The following HS3ST4 variants were observed in gnomAD, a reference collection of about 807,000 sequenced individuals.
The protein encoded by HS3ST4 is heparan sulfate-glucosamine 3-sulfotransferase 4, also known as heparan sulfate glucosamine 3-O-sulfotransferase 4.
HS3ST4 carries 17 observed loss-of-function variants against 29.2 expected under a neutral mutation model. That is an observed-to-expected ratio of 0.58 (90% CI 0.40 to 0.87). HS3ST4 has a LOEUF of 0.87. HS3ST4 is among the 40% of genes least tolerant of loss of function. The pLI, the probability that HS3ST4 is intolerant of heterozygous loss-of-function variation, is 0.00. For missense variants in HS3ST4, 627 were observed against 634.5 expected, an observed-to-expected ratio of 0.99 and a Z score of 0.13; for synonymous variants, 314 against 285.7, an observed-to-expected ratio of 1.10 and a Z score of -1.00.
At chr16:26,069,948 G>A (rs1377998599) in intron 1 of HS3ST4, among the ~76,000 whole-genome samples, 1 of 151,958 alleles carries the variant, frequency 6.6e-6, no homozygotes, top group Non-Finnish European at 1.5e-5. Context: ...TCTTAATCCA[G>A]GCTATCATTG....
chr16:25,773,553 G>C lies in HS3ST4; in HGVS notation c.734+80402G>C, dbSNP rs192759483. On this transcript the variant is annotated intron_variant, in intron 1 of 1. Transcript: ENST00000331351. ...ACTTAATAAATGTTTGATGAGTGTT[G>C]CTGAATTTGAAAATAGGAAGTTATT... Among the ~76,000 whole-genome samples the C allele has an allele frequency of 3.3e-3, 497 of 152,282 alleles. 5 individuals carry two copies. The highest frequency in any genetic ancestry group is 7.5e-3 in the South Asian group (36 of 4,818).
At chr16:25,947,090 G>C (rs1968633948) in intron 1 of HS3ST4, among the ~76,000 whole-genome samples, 1 of 152,152 alleles carries the variant, frequency 6.6e-6, no homozygotes, top group African/African-American at 2.4e-5. Context: ...GTGATGGGGA[G>C]TGGAGCTAGT....
At chr16:26,011,092 G>A (rs1168229137) in intron 1 of HS3ST4, among the ~76,000 whole-genome samples, 1 of 152,120 alleles carries the variant, frequency 6.6e-6, no homozygotes, top group Non-Finnish European at 1.5e-5. Context: ...AGCAGCACGT[G>A]CACTTACATA....
intron 1 of HS3ST4, among the ~76,000 whole-genome samples, chr16:25,860,102 T>C (rs1253686554): frequency 6.6e-6 from 1 of 152,188 alleles, no homozygotes; most frequent in Non-Finnish European, 1.5e-5. Context: ...ACCATCCTCC[T>C]ACCCCATTCC....
At position 25,692,999 on chromosome 16, in the gene HS3ST4, G is replaced by A; in HGVS notation, c.582G>A (p.Glu194=). ...GGAVSTPDYG[E]KKLPQALIIG... is the part of the protein sequence containing the mutation. ...CCGTCAGCACCCCCGACTATGGGGA[G>A]AAGAAGCTGCCACAGGCGCTCATCA... Residue 194 remains glutamate (E), a synonymous_variant, in exon 1 of 2, where the codon GAG becomes GAA. Transcript: ENST00000331351. 6.2e-7 allele frequency: 1 copy of A among 1,611,450 alleles called. No individual in the cohort carries two copies. Among genetic ancestry groups the A allele is most frequent in the African/African-American group, 1.3e-5 (1 of 75,036 alleles).
At chr16:26,131,021 C>T (rs2141815980) in intron 1 of HS3ST4, among the ~76,000 whole-genome samples, 1 of 152,330 alleles carries the variant, frequency 6.6e-6, no homozygotes, top group East Asian at 1.9e-4. Context: ...ACCATGTAGC[C>T]ACTGGCACAG....
intron 1 of HS3ST4, among the ~76,000 whole-genome samples, chr16:25,988,946 A>G (rs1050133172): frequency 1.3e-5 from 2 of 152,254 alleles, no homozygotes; most frequent in Admixed American, 6.5e-5. Flanking sequence ...AAAACCTCAG[A>G]CAAGTTAAAT....
chr16:25,958,337 T>C (rs1596626481), intron 1 of HS3ST4, among the ~76,000 whole-genome samples: 1 of 152,178 alleles, frequency 6.6e-6, no homozygotes, highest in African/African-American at 2.4e-5. Flanking sequence ...AAGACTTTTT[T>C]CTTTTTTTCC....
chr16:25,853,239 G>A (rs1222165032), intron 1 of HS3ST4, among the ~76,000 whole-genome samples: 2 of 151,580 alleles, frequency 1.3e-5, no homozygotes, highest in African/African-American at 4.9e-5. Flanking sequence ...TTCATATCCC[G>A]CAACTTTACT....
intron 1 of HS3ST4, among the ~76,000 whole-genome samples, chr16:25,839,129 A>G (rs1967389369): frequency 2.6e-5 from 4 of 152,250 alleles, no homozygotes; most frequent in Admixed American, 2.6e-4. Flanking sequence ...AGGACTCTGT[A>G]TATATCCTCC....
chr16:25,889,229 C>T (rs1373491491), intron 1 of HS3ST4, among the ~76,000 whole-genome samples: 1 of 152,168 alleles, frequency 6.6e-6, no homozygotes, highest in African/African-American at 2.4e-5. Flanking sequence ...ACAACTGAAT[C>T]TTTTCTTGCT....
chr16:25,788,540 CT>C (rs34729954), intron 1 of HS3ST4, among the ~76,000 whole-genome samples: 1 of 99,070 alleles, frequency 1.0e-5, no homozygotes, highest in African/African-American at 4.2e-5. Flanking sequence ...TTCTTTTCTT[CT>C]TTCTTTTTTT....
intron 1 of HS3ST4, among the ~76,000 whole-genome samples, chr16:26,024,228 G>GAAA (rs58068324): frequency 2.1e-4 from 27 of 127,082 alleles, no homozygotes; most frequent in Non-Finnish European, 3.2e-4. Context: ...GTCTCAAAAG[G>GAAA]AAAAAAAAAA....
chr16:25,929,070 C>A (rs1968438546), intron 1 of HS3ST4, among the ~76,000 whole-genome samples: 1 of 152,106 alleles, frequency 6.6e-6, no homozygotes, highest in Non-Finnish European at 1.5e-5. Flanking sequence ...CCCTGTTTGG[C>A]AGATGACAGG....
At chr16:26,109,059 G>T (rs547444139) in intron 1 of HS3ST4, among the ~76,000 whole-genome samples, 1 of 152,146 alleles carries the variant, frequency 6.6e-6, no homozygotes, top group Non-Finnish European at 1.5e-5. Flanking sequence ...CCTAAATTAA[G>T]TGTGGGATGA....
At chr16:26,131,285 A>C (rs1899415503) in intron 1 of HS3ST4, among the ~76,000 whole-genome samples, 1 of 152,222 alleles carries the variant, frequency 6.6e-6, no homozygotes, top group Non-Finnish European at 1.5e-5. Context: ...CAGAAAAATA[A>C]AATTAAGTGT....
chr16:25,853,288 C>A (rs911408424), intron 1 of HS3ST4, among the ~76,000 whole-genome samples: 3 of 133,918 alleles, frequency 2.2e-5, no homozygotes, highest in Non-Finnish European at 4.8e-5. Context: ...TTGGTGAAAT[C>A]TTTGTGAGTG....
intron 1 of HS3ST4, among the ~76,000 whole-genome samples, chr16:25,756,142 ACACACACACACG>A (rs201587058): frequency 4.4e-5 from 4 of 91,590 alleles, no homozygotes; most frequent in Admixed American, 2.5e-4. Context: ...ACACACACAC[ACACACACACACG>A]CACACACACA....
At chr16:26,044,845 C>A (rs144881271) in intron 1 of HS3ST4, among the ~76,000 whole-genome samples, 1 of 152,186 alleles carries the variant, frequency 6.6e-6, no homozygotes, top group East Asian at 1.9e-4. Context: ...AGGATACAAC[C>A]TGATGGAAGC....
Sources: allele counts gnomAD v4.1 joint callset (sites outside exome capture counted in the v4.1 genomes callset), GRCh38; gene constraint gnomAD v4.1.1; transcripts MANE v1.5; gene names NCBI Gene and HGNC (gene_info 2026-07-23, HGNC 2026-07-21).